Variants in NLGN1 observed in about 807,000 individuals in gnomAD.
The protein encoded by NLGN1 is neuroligin-1.
NLGN1 carries 12 observed loss-of-function variants against 65.5 expected under a neutral mutation model. The observed-to-expected ratio is 0.18, with a 90% CI of 0.12 to 0.30. The LOEUF (loss-of-function observed/expected upper bound fraction) is 0.30, where lower values mean the gene tolerates loss of function less well. Ranked by LOEUF, NLGN1 falls within the 10% of genes least tolerant of loss-of-function variation. The probability of loss-of-function intolerance (pLI) is 1.00; values close to 1 mark genes in which losing one functional copy is unlikely to be tolerated. For synonymous variants in NLGN1, 350 were observed against 359.5 expected, an observed-to-expected ratio of 0.97 and a Z score of 0.30; for missense variants, 750 against 1,007.1, an observed-to-expected ratio of 0.74 and a Z score of 3.46.
At chr3:173,852,520 A>G (rs1345859312) in intron 4 of NLGN1, among the ~76,000 whole-genome samples, 1 of 152,102 alleles carries the variant, frequency 6.6e-6, no homozygotes, top group African/African-American at 2.4e-5. Context: ...AAAATTTCTA[A>G]TATTGAACTA....
chr3:174,145,836 A>C (rs1723124779), intron 4 of NLGN1, among the ~76,000 whole-genome samples: 1 of 152,232 alleles, frequency 6.6e-6, no homozygotes, highest in South Asian at 2.1e-4. Context: ...TTTTACCTAA[A>C]ATATCAACAA....
intron 2 of NLGN1, among the ~76,000 whole-genome samples, chr3:173,533,749 C>T (rs532780881): frequency 6.6e-6 from 1 of 152,186 alleles, no homozygotes; most frequent in South Asian, 2.1e-4. Flanking sequence ...TTTGGGAGGT[C>T]GAGGCAGGCA....
At chr3:174,064,288 A>AT (rs1738032564) in intron 4 of NLGN1, among the ~76,000 whole-genome samples, 1 of 152,170 alleles carries the variant, frequency 6.6e-6, no homozygotes, top group East Asian at 1.9e-4. Flanking sequence ...AGTGTAAAAT[A>AT]TTTTTTGGTG....
intron 4 of NLGN1, among the ~76,000 whole-genome samples, chr3:174,010,627 A>G (rs1201657843): frequency 2.6e-5 from 4 of 152,172 alleles, no homozygotes; most frequent in Non-Finnish European, 5.9e-5. Flanking sequence ...GATTTTATAT[A>G]ACATCTGAAT....
chr3:174,139,385 G>T, intron 4 of NLGN1, among the ~76,000 whole-genome samples: 1 of 151,912 alleles, frequency 6.6e-6, no homozygotes, highest in East Asian at 1.9e-4. Context: ...TTTTCTGATT[G>T]TCATATTTAA....
intron 2 of NLGN1, among the ~76,000 whole-genome samples, chr3:173,572,928 C>A (rs865776665): frequency 7.9e-5 from 12 of 152,154 alleles, no homozygotes; most frequent in African/African-American, 1.7e-4. Context: ...TTCTCCTGCC[C>A]TGTGTGAGGC....
chr3:173,780,340 A>G (rs1175761527), intron 3 of NLGN1, among the ~76,000 whole-genome samples: 1 of 152,218 alleles, frequency 6.6e-6, no homozygotes, highest in Non-Finnish European at 1.5e-5. Context: ...GTATACGCTC[A>G]GTGGGGTCAT....
At position 173,972,989 on chromosome 3, in the gene NLGN1, C is replaced by T. The variant is rs187934444; in HGVS notation, c.646+165157C>T. On this transcript the variant is annotated intron_variant, in intron 4 of 6. Transcript: ENST00000457714. The stretch of plus-strand genomic sequence containing the variant: ...TAAGAGTTTAGTGATTTAAAGCACA[C>T]GTTCTGTGTTTAAATCACAGCACTG... 1.1e-4 allele frequency among the ~76,000 whole-genome samples: 16 copies of T among 152,210 alleles called. 1 individual carries two copies. Among genetic ancestry groups the T allele is most frequent in the South Asian group, 1.0e-3 (5 of 4,828 alleles).
At chr3:173,895,732 C>T (rs999038480) in intron 4 of NLGN1, among the ~76,000 whole-genome samples, 3 of 151,996 alleles carry the variant, frequency 2.0e-5, no homozygotes, top group African/African-American at 7.3e-5. Context: ...ACTCTGTTGC[C>T]CAGGCTGGAG....
intron 4 of NLGN1, among the ~76,000 whole-genome samples, chr3:173,873,712 G>A (rs1731610021): frequency 6.6e-6 from 1 of 152,084 alleles, no homozygotes; most frequent in Non-Finnish European, 1.5e-5. Context: ...TCTCTTAATT[G>A]TCATCATCTC....
chr3:173,649,212 T>G (rs1268426462), intron 3 of NLGN1, among the ~76,000 whole-genome samples: 1 of 152,012 alleles, frequency 6.6e-6, no homozygotes, highest in African/African-American at 2.4e-5. Flanking sequence ...ACAGAAAGAA[T>G]ATGAGTGGTT....
intron 4 of NLGN1, among the ~76,000 whole-genome samples, chr3:173,873,640 A>G (rs753055443): frequency 3.9e-5 from 6 of 152,170 alleles, no homozygotes; most frequent in Non-Finnish European, 7.3e-5. Context: ...TGCATTTTGC[A>G]TACATTTTTG....
At chr3:173,458,365 T>C (rs1722843461) in intron 2 of NLGN1, among the ~76,000 whole-genome samples, 1 of 152,092 alleles carries the variant, frequency 6.6e-6, no homozygotes, top group African/African-American at 2.4e-5. Context: ...TGTGGAGCAA[T>C]ATGGTGCTGG....
chr3:173,415,939 A>AGC (rs532760228), intron 1 of NLGN1, among the ~76,000 whole-genome samples: 2,159 of 122,972 alleles, frequency 0.018, 22 homozygotes, highest in African/African-American at 0.022. Context: ...AGAGAGAGAG[A>AGC]GAGAGCTTGG....
At chr3:173,928,671 A>ATTT in intron 4 of NLGN1, among the ~76,000 whole-genome samples, 1 of 137,532 alleles carries the variant, frequency 7.3e-6, no homozygotes, top group African/African-American at 2.9e-5. Context: ...AGACATAGTT[A>ATTT]ATTTTTTTTT....
At chr3:174,241,699 G>T (rs1742866242) in intron 4 of NLGN1, among the ~76,000 whole-genome samples, 1 of 151,112 alleles carries the variant, frequency 6.6e-6, no homozygotes, top group African/African-American at 2.4e-5. Flanking sequence ...TGTCCCCCAG[G>T]CTGGAGTGCA....
chr3:173,728,150 G>A (rs1381133042), intron 3 of NLGN1, among the ~76,000 whole-genome samples: 1 of 152,136 alleles, frequency 6.6e-6, no homozygotes, highest in Non-Finnish European at 1.5e-5. Flanking sequence ...GAGGCACTAA[G>A]GTTGGGTAGA....
chr3:173,740,340 C>A (rs2150103946), intron 3 of NLGN1, among the ~76,000 whole-genome samples: 1 of 152,202 alleles, frequency 6.6e-6, no homozygotes, highest in East Asian at 1.9e-4. Flanking sequence ...ATTATGAATT[C>A]TCTGTTATTT....
chr3:173,870,410 C>T (rs930342638), intron 4 of NLGN1, among the ~76,000 whole-genome samples: 3 of 152,046 alleles, frequency 2.0e-5, no homozygotes, highest in African/African-American at 4.8e-5. Flanking sequence ...TTTGAGGCAG[C>T]CTGGGAAATT....
Sources: allele counts gnomAD v4.1 joint callset (sites outside exome capture counted in the v4.1 genomes callset), GRCh38; gene constraint gnomAD v4.1.1; transcripts MANE v1.5; gene names NCBI Gene and HGNC (gene_info 2026-07-23, HGNC 2026-07-21).